Variants in ROBO1 observed in about 807,000 individuals in gnomAD.
ROBO1 encodes roundabout guidance receptor 1.
ROBO1 carries 149 observed loss-of-function variants against 195.9 expected under a neutral mutation model. The observed-to-expected ratio is 0.76, with a 90% CI of 0.67 to 0.87. The LOEUF (loss-of-function observed/expected upper bound fraction) is 0.87, where lower values mean the gene tolerates loss of function less well. Ranked by LOEUF, ROBO1 falls within the 40% of genes least tolerant of loss-of-function variation. The pLI is 0.00. For missense variants in ROBO1, 1,933 were observed against 2,068.3 expected, an observed-to-expected ratio of 0.93 and a Z score of 1.27; for synonymous variants, 816 against 733.2, an observed-to-expected ratio of 1.11 and a Z score of -1.82.
chr3:79,257,614 A>G (rs2082860517), intron 2 of ROBO1, among the ~76,000 whole-genome samples: 1 of 152,076 alleles, frequency 6.6e-6, no homozygotes, highest in Non-Finnish European at 1.5e-5. Context: ...CCATTAGCTC[A>G]TTTTATACCA....
At chr3:78,791,798 G>A (rs1444013864) in intron 4 of ROBO1, among the ~76,000 whole-genome samples, 1 of 152,162 alleles carries the variant, frequency 6.6e-6, no homozygotes, top group African/African-American at 2.4e-5. Context: ...GCATAAAAGT[G>A]CTACGTAGCA....
At chr3:79,261,791 A>G (rs907695660) in intron 2 of ROBO1, among the ~76,000 whole-genome samples, 1 of 152,102 alleles carries the variant, frequency 6.6e-6, no homozygotes, top group African/African-American at 2.4e-5. Context: ...GTCAAGTCAA[A>G]TACTATTTAA....
intron 2 of ROBO1, among the ~76,000 whole-genome samples, chr3:79,360,935 A>G (rs949438590): frequency 1.6e-4 from 24 of 152,082 alleles, no homozygotes; most frequent in Admixed American, 1.6e-3. Context: ...GCTCACCTCA[A>G]TAGTTTTGGA....
intron 3 of ROBO1, among the ~76,000 whole-genome samples, chr3:79,074,882 C>G: frequency 6.6e-6 from 1 of 151,640 alleles, no homozygotes; most frequent in South Asian, 2.1e-4. Flanking sequence ...TATAAAAATA[C>G]AAAATATCAA....
intron 4 of ROBO1, among the ~76,000 whole-genome samples, chr3:78,788,532 C>T (rs2083921464): frequency 6.8e-6 from 1 of 147,032 alleles, no homozygotes; most frequent in Non-Finnish European, 1.5e-5. Flanking sequence ...AAGAATTTAG[C>T]TCTCCACTTT....
chr3:79,084,905 T>C (rs2079340496), intron 3 of ROBO1, among the ~76,000 whole-genome samples: 1 of 152,114 alleles, frequency 6.6e-6, no homozygotes, highest in Non-Finnish European at 1.5e-5. Flanking sequence ...TATTTTCTAA[T>C]AAGAGAAAAA....
At chr3:78,841,381 T>G (rs908902707) in intron 4 of ROBO1, among the ~76,000 whole-genome samples, 1 of 152,198 alleles carries the variant, frequency 6.6e-6, no homozygotes, top group Non-Finnish European at 1.5e-5. Flanking sequence ...AGTCAAATGT[T>G]GGGGCTGAGT....
intron 2 of ROBO1, among the ~76,000 whole-genome samples, chr3:79,171,853 T>C (rs1576768330): frequency 6.6e-6 from 1 of 152,246 alleles, no homozygotes; most frequent in East Asian, 1.9e-4. Flanking sequence ...TATGTAACAT[T>C]ATTACTTATA....
intron 2 of ROBO1, among the ~76,000 whole-genome samples, chr3:79,340,711 T>C (rs941548059): frequency 1.6e-4 from 24 of 152,228 alleles, no homozygotes; most frequent in Non-Finnish European, 2.8e-4. Flanking sequence ...TTTTTGTTTG[T>C]TTTGTTTTAA....
intron 5 of ROBO1, among the ~76,000 whole-genome samples, chr3:78,737,476 T>C (rs1025855046): frequency 6.6e-6 from 1 of 152,168 alleles, no homozygotes; most frequent in Non-Finnish European, 1.5e-5. Flanking sequence ...ACATTTAACA[T>C]GCATTTTCTC....
intron 4 of ROBO1, among the ~76,000 whole-genome samples, chr3:78,935,924 G>A (rs982550965): frequency 5.3e-5 from 8 of 152,056 alleles, no homozygotes; most frequent in African/African-American, 1.9e-4. Context: ...TTATAATTGT[G>A]TGAGATAACT....
chr3:79,745,171 C>A (rs960143899), intron 1 of ROBO1, among the ~76,000 whole-genome samples: 1 of 152,130 alleles, frequency 6.6e-6, no homozygotes, highest in Non-Finnish European at 1.5e-5. Context: ...AAGTTCTTAT[C>A]ACCACATTGT....
chr3:79,135,712 A>C (rs1355555723), intron 2 of ROBO1, among the ~76,000 whole-genome samples: 1 of 151,632 alleles, frequency 6.6e-6, no homozygotes, highest in Admixed American at 6.6e-5. Flanking sequence ...ACCTCAGCTC[A>C]CCGCAACTTT....
chr3:79,313,296 C>T (rs2033576698), intron 2 of ROBO1, among the ~76,000 whole-genome samples: 1 of 151,974 alleles, frequency 6.6e-6, no homozygotes, highest in Non-Finnish European at 1.5e-5. Flanking sequence ...AGAAAAAGAT[C>T]CCAATCCTGC....
At chr3:79,058,201 T>TA (rs1290588225) in intron 3 of ROBO1, among the ~76,000 whole-genome samples, 4 of 152,136 alleles carry the variant, frequency 2.6e-5, no homozygotes, top group African/African-American at 7.2e-5. Context: ...GCAGTAATAT[T>TA]AAAAAATGAG....
chr3:78,792,049 C>T (rs930006914), intron 4 of ROBO1, among the ~76,000 whole-genome samples: 1 of 152,156 alleles, frequency 6.6e-6, no homozygotes, highest in Admixed American at 6.6e-5. Flanking sequence ...AGGGGACCCT[C>T]ATAGGGTTTC....
chr3:78,990,405 G>A (rs2077210452), intron 3 of ROBO1, among the ~76,000 whole-genome samples: 1 of 152,090 alleles, frequency 6.6e-6, no homozygotes, highest in African/African-American at 2.4e-5. Context: ...GACAGGTTCT[G>A]GCAAACAAGT....
At chr3:79,077,369 T>G (rs2108451877) in intron 3 of ROBO1, among the ~76,000 whole-genome samples, 1 of 151,968 alleles carries the variant, frequency 6.6e-6, no homozygotes, top group Non-Finnish European at 1.5e-5. Flanking sequence ...TGCATATAGT[T>G]AAAACAATCT....
At chr3:79,537,370 G>A (rs1253746717) in intron 2 of ROBO1, among the ~76,000 whole-genome samples, 1 of 152,204 alleles carries the variant, frequency 6.6e-6, no homozygotes, top group Non-Finnish European at 1.5e-5. Context: ...TTACCCTGTG[G>A]ATATCTGGAG....
Sources: gnomAD v4.1 joint callset for allele counts (sites outside exome capture counted in the v4.1 genomes callset) on GRCh38, gnomAD v4.1.1 for gene constraint, MANE v1.5 for transcripts, NCBI Gene and HGNC (gene_info 2026-07-23, HGNC 2026-07-21) for gene names.